Variants in PACS2 observed in about 807,000 individuals in gnomAD.
The protein encoded by PACS2 is PACS1-like protein.
A neutral mutation model predicts 113.0 loss-of-function variants in PACS2; 36 were observed. That is an observed-to-expected ratio of 0.32 (90% CI 0.24 to 0.42). The LOEUF (loss-of-function observed/expected upper bound fraction) is 0.42. Ranked by LOEUF, PACS2 falls within the 10% of genes least tolerant of loss-of-function variation. PACS2 has a pLI of 1.00. For missense variants in PACS2, 1,015 were observed against 1,239.5 expected (o/e 0.82, Z 2.72); for synonymous variants, 589 against 536.1 (o/e 1.10, Z -1.36).
chr14:105,348,640 G>A lies in PACS2; in HGVS notation c.207+60G>A. 8.0e-7 allele frequency: 1 copy of A among 1,246,524 alleles called. No individual in the cohort carries two copies. The highest frequency in any genetic ancestry group is 1.5e-5 in the African/African-American group (1 of 68,258). 77.2% of individuals were successfully genotyped at this position (1,246,524 alleles called of 1,614,324 possible). A position where few individuals can be genotyped will look rare whatever the true frequency, so the allele number is the denominator to read the frequency against. On this transcript the variant is annotated intron_variant, in intron 2 of 24. Coordinates refer to ENST00000447393, the MANE Select transcript of PACS2 (RefSeq NM_001100913.3). This position sits in a 1 kb window ranked among gnomAD's most constrained non-coding sequence, Gnocchi z 6.4. ...GCTGTGTAGGCTTTCCATGTGCCTGGGAGACGAGTCAGGCGGTGCGCTACT... is the reference window on the plus strand; with the variant it reads ...GCTGTGTAGGCTTTCCATGTGCCTGAGAGACGAGTCAGGCGGTGCGCTACT...
chr14:105,303,565 A>G (rs1026372217), intron 1 of PACS2, among the ~76,000 whole-genome samples: 6 of 152,098 alleles, frequency 3.9e-5, no homozygotes, highest in African/African-American at 1.4e-4. Flanking sequence ...TTTAAGGTGA[A>G]AGATGAAATC....
chr14:105,319,167 C>T (rs948549800), intron 1 of PACS2, among the ~76,000 whole-genome samples: 1 of 151,680 alleles, frequency 6.6e-6, no homozygotes, highest in East Asian at 1.9e-4. Flanking sequence ...AGGATGGTCT[C>T]GATCTCTTGA....
At position 105,324,901 on chromosome 14, in the gene PACS2, G is replaced by T. The variant is rs1432257905; in HGVS notation, c.119+9864G>T. Among the ~76,000 whole-genome samples, 1 of 152,084 alleles carries T rather than the reference G, an allele frequency of 6.6e-6. No individual in the cohort carries two copies. The highest frequency in any genetic ancestry group is 1.5e-5 in the Non-Finnish European group (1 of 68,004). ...CAACAGAGGAGTCAGGACCCAAAAG[G>T]GGCAGAAATGGGCAAGGGAAGACAC... On this transcript the variant is annotated intron_variant, in intron 1 of 24. Coordinates refer to ENST00000447393, the MANE Select transcript of PACS2 (RefSeq NM_001100913.3). This position sits in a 1 kb window ranked among gnomAD's most constrained non-coding sequence, Gnocchi z 4.7.
chr14:105,303,644 C>G (rs2058097625), intron 1 of PACS2, among the ~76,000 whole-genome samples: 1 of 152,202 alleles, frequency 6.6e-6, no homozygotes, highest in African/African-American at 2.4e-5. Flanking sequence ...GTAATTACCA[C>G]TTTAGCTGAA....
At chr14:105,339,863 C>T (rs1566917678) in intron 1 of PACS2, among the ~76,000 whole-genome samples, 1 of 152,164 alleles carries the variant, frequency 6.6e-6, no homozygotes, top group Non-Finnish European at 1.5e-5. Flanking sequence ...AGGCTGGTTT[C>T]AAACTCCTGA....
At chr14:105,311,804 A>T (rs1331742875), upstream of PACS2, among the ~76,000 whole-genome samples, 1 of 152,166 alleles carries the variant, frequency 6.6e-6, no homozygotes, top group African/African-American at 2.4e-5. Flanking sequence ...TGCCTCCAGG[A>T]GGAGGGCCCT....
chr14:105,305,192 G>A (rs1166426808), intron 1 of PACS2, among the ~76,000 whole-genome samples: 1 of 152,146 alleles, frequency 6.6e-6, no homozygotes, highest in African/African-American at 2.4e-5. Context: ...CTTGAGTCCA[G>A]GAGTTTGAGA....
rs587767074 is a variant in PACS2 at position 105,341,051 on chromosome 14, G to A, written c.120-7442G>A. Reference sequence around the variant, plus strand: ...GTCTCGGCCACACATAGAGACACCCGCTCCTGAGACCTGCAGTGCCTGCAG... The same window carrying A: ...GTCTCGGCCACACATAGAGACACCCACTCCTGAGACCTGCAGTGCCTGCAG... On this transcript the variant is annotated intron_variant, in intron 1 of 24. Transcript: ENST00000447393. Among the ~76,000 whole-genome samples the A allele has an allele frequency of 1.1e-4, 17 of 152,352 alleles. 1 individual carries two copies. The South Asian group carries it at 2.1e-3, about 19-fold the overall frequency.
intron 4 of PACS2, among the ~76,000 whole-genome samples, chr14:105,363,608 A>G (rs117284530): frequency 3.2e-4 from 49 of 152,204 alleles, no homozygotes; most frequent in African/African-American, 8.2e-4. Flanking sequence ...GTCTGGTTCA[A>G]TCTTCATCCC....
Position 105,356,816 on chromosome 14 carries a change from C to T in PACS2, c.423+1639C>T, listed in dbSNP as rs1400358609. ...GCCGGTCCCTGTGTTTCCCATTAGC[C>T]ATGCAGGCGATGTCCTGCTGATCCC... On this transcript the variant is annotated intron_variant, in intron 4 of 24. Coordinates refer to ENST00000447393, the MANE Select transcript of PACS2 (RefSeq NM_001100913.3). The surrounding 1 kb of genome is among the most constrained non-coding windows in gnomAD (Gnocchi z 4.0). Among the ~76,000 whole-genome samples, 1 of 150,984 alleles carries T rather than the reference C, an allele frequency of 6.6e-6. No individual in the cohort carries two copies. Among genetic ancestry groups the T allele is most frequent in the Non-Finnish European group, 1.5e-5 (1 of 67,836 alleles).
chr14:105,313,008 C>T (rs1280164372), upstream of PACS2, among the ~76,000 whole-genome samples: 1 of 152,180 alleles, frequency 6.6e-6, no homozygotes, highest in East Asian at 1.9e-4. Flanking sequence ...ACAGAACTGT[C>T]ACGTCCCTTA....
rs144316077 is a variant in PACS2 at position 105,354,117 on chromosome 14, C to A, written c.298-935C>A. On this transcript the variant is annotated intron_variant, in intron 3 of 24. Transcript: ENST00000447393. This position sits in a 1 kb window ranked among gnomAD's most constrained non-coding sequence, Gnocchi z 4.2. ...AAAAGAGAGAATATAATAACGAGGG[C>A]AAAAAAACACTTACTGAGTCAAGGC... Among the ~76,000 whole-genome samples the A allele has an allele frequency of 3.0e-3, 458 of 151,768 alleles. 3 individuals are homozygous for A. Among genetic ancestry groups the A allele is most frequent in the African/African-American group, 9.8e-3 (404 of 41,396 alleles).
Position 105,315,696 on chromosome 14 carries a change from A to G in PACS2, c.119+659A>G, listed in dbSNP as rs1461919219. 1 of 152,288 alleles carries G rather than the reference A, an allele frequency of 6.6e-6. No homozygotes were observed. Among genetic ancestry groups the G allele is most frequent in the African/African-American group, 2.4e-5 (1 of 41,468 alleles). 9.4% of individuals were successfully genotyped at this position (152,288 alleles called of 1,614,324 possible). On this transcript the variant is annotated intron_variant, in intron 1 of 24. Transcript: ENST00000447393. The surrounding 1 kb of genome is among the most constrained non-coding windows in gnomAD (Gnocchi z 4.4). ...CCGGTCGCCCAGCGGTAACGATTGG[A>G]CAGGGTTTACCCTCCGGCCATAGCC...
intron 2 of PACS2, among the ~76,000 whole-genome samples, chr14:105,350,241 G>C (rs587635666): frequency 6.6e-6 from 1 of 152,266 alleles, no homozygotes; most frequent in South Asian, 2.1e-4. Flanking sequence ...TCTTGGCTTG[G>C]GGGGCAGGGG....
Position 105,356,079 on chromosome 14 carries a change from C to T in PACS2, c.423+902C>T, listed in dbSNP as rs1421492085. Among the ~76,000 whole-genome samples, 3 of 152,184 alleles carry T rather than the reference C, an allele frequency of 2.0e-5. No homozygotes were observed. Among genetic ancestry groups the T allele is most frequent in the Non-Finnish European group, 2.9e-5 (2 of 68,026 alleles). Reference sequence around the variant, plus strand: ...GGGAGCCGGAGATGCCAGAGCCCCCCAGCCCCTCTTCTTCCCACTTTGTCC... The same window carrying T: ...GGGAGCCGGAGATGCCAGAGCCCCCTAGCCCCTCTTCTTCCCACTTTGTCC... On this transcript the variant is annotated intron_variant, in intron 4 of 24. Coordinates refer to ENST00000447393, the MANE Select transcript of PACS2 (RefSeq NM_001100913.3). This position sits in a 1 kb window ranked among gnomAD's most constrained non-coding sequence, Gnocchi z 4.0.
At chr14:105,342,723 C>T (rs1384639765) in intron 1 of PACS2, among the ~76,000 whole-genome samples, 1 of 151,682 alleles carries the variant, frequency 6.6e-6, no homozygotes, top group Non-Finnish European at 1.5e-5. Context: ...CACTTGAGGT[C>T]AGGAGTTCAA....
chr14:105,328,399 G>A (rs1267364565), intron 1 of PACS2, among the ~76,000 whole-genome samples: 5 of 152,160 alleles, frequency 3.3e-5, no homozygotes, highest in Admixed American at 6.5e-5. Context: ...GGGGCTCTTC[G>A]GCTCTCAGGA....
Position 105,366,279 on chromosome 14 carries a change from C to T in PACS2, c.424-934C>T, listed in dbSNP as rs587668522. Among the ~76,000 whole-genome samples the T allele has an allele frequency of 1.2e-4, 18 of 152,304 alleles. No homozygotes were observed. The highest frequency in any genetic ancestry group is 8.5e-4 in the Admixed American group (13 of 15,304). On this transcript the variant is annotated intron_variant, in intron 4 of 24. Coordinates refer to ENST00000447393, the MANE Select transcript of PACS2 (RefSeq NM_001100913.3). The surrounding 1 kb of genome is among the most constrained non-coding windows in gnomAD (Gnocchi z 4.3). ...AGGAGAATCACTTGAACCCAGGAGG[C>T]GGAGGTTGCAGTGAGCCAAGATCGC... is the stretch of plus-strand genomic sequence containing the variant.
rs1017886342 is a variant in PACS2, at chr14:105,309,381, G to A, written c.-83+8402G>A. On this transcript the variant is annotated intron_variant, in intron 1 of 23. Coordinates refer to the PACS2 transcript ENST00000430725. This position sits in a 1 kb window ranked among gnomAD's most constrained non-coding sequence, Gnocchi z 4.0. ...AGAATTTCCCCATGTTGCTAAAACT[G>A]AGGCAGCGTTCCGTTTTGCTGGTTA... is the stretch of plus-strand genomic sequence containing the variant. Among the ~76,000 whole-genome samples the A allele has an allele frequency of 6.6e-6, 1 of 152,200 alleles. No individual in the cohort carries two copies. Among genetic ancestry groups the A allele is most frequent in the Non-Finnish European group, 1.5e-5 (1 of 68,042 alleles).
Sources: allele counts gnomAD v4.1 joint callset (sites outside exome capture counted in the v4.1 genomes callset), GRCh38; gene constraint gnomAD v4.1.1; non-coding constraint Gnocchi (gnomAD v3.1); transcripts MANE v1.5; gene names NCBI Gene and HGNC (gene_info 2026-07-23, HGNC 2026-07-21).